CSMD1: variants seen among roughly 807,000 people sequenced by gnomAD.
CSMD1 encodes the protein CUB and Sushi multiple domains 1, also known as CUB and sushi domain-containing protein 1.
A neutral mutation model predicts 417.5 loss-of-function variants in CSMD1; 213 were observed. The ratio of observed to expected loss-of-function variants is 0.51; its 90% CI spans 0.46 to 0.57. The LOEUF (loss-of-function observed/expected upper bound fraction) is 0.57, where lower values mean the gene tolerates loss of function less well. Among genes scored for constraint, CSMD1 ranks in the 20% least tolerant of loss-of-function variants. The pLI is 0.00. For missense variants in CSMD1, 6,923 were observed against 4,529.7 expected (o/e 1.53, Z -15.17); for synonymous variants, 2,862 against 1,736.8 (o/e 1.65, Z -16.11).
chr8:4,842,236 G>C (rs989563307), intron 1 of CSMD1, among the ~76,000 whole-genome samples: 7 of 152,206 alleles, frequency 4.6e-5, no homozygotes, highest in Admixed American at 1.3e-4. Flanking sequence ...AGGGAACCAG[G>C]GAAGTCAAAG....
At chr8:4,873,772 G>C (rs533768612) in intron 1 of CSMD1, among the ~76,000 whole-genome samples, 2 of 152,190 alleles carry the variant, frequency 1.3e-5, no homozygotes, top group African/African-American at 2.4e-5. Context: ...TTTATAGAAA[G>C]TAGCACTGTG....
At chr8:3,965,239 G>C (rs1233047325) in intron 5 of CSMD1, among the ~76,000 whole-genome samples, 1 of 152,174 alleles carries the variant, frequency 6.6e-6, no homozygotes, top group Admixed American at 6.5e-5. Flanking sequence ...GACGGCAAAT[G>C]CTTTCCACTC....
chr8:3,056,945 G>C (rs1012336486), intron 49 of CSMD1, among the ~76,000 whole-genome samples: 7 of 151,940 alleles, frequency 4.6e-5, no homozygotes, highest in African/African-American at 1.7e-4. Flanking sequence ...TACAATATTA[G>C]TGCCTGCCAT....
In CSMD1 at chr8:2,938,500, G is replaced by GTCT; in HGVS notation, c.*84_*85insAGA. 2 of 1,314,408 alleles carry GTCT rather than the reference G, an allele frequency of 1.5e-6. No individual in the cohort carries two copies. Among genetic ancestry groups the GTCT allele is most frequent in the Non-Finnish European group, 2.1e-6 (2 of 955,910 alleles). 81.4% of individuals were successfully genotyped at this position (1,314,408 alleles called of 1,614,324 possible). ...TCGCTGCAGTAAAGCCAGAGTGGAA[G>GTCT]GGAGAGTGGTATATGGCACCAAAGG... On this transcript the variant is annotated 3_prime_UTR_variant, in exon 70 of 70. Coordinates refer to ENST00000635120, the MANE Select transcript of CSMD1 (RefSeq NM_033225.6).
intron 20 of CSMD1, among the ~76,000 whole-genome samples, chr8:3,366,066 T>C (rs1438937599): frequency 6.6e-6 from 1 of 152,182 alleles, no homozygotes. Context: ...GTAGAATAAA[T>C]TACATGTGAC....
At chr8:4,701,140 T>C (rs1165017359) in intron 1 of CSMD1, among the ~76,000 whole-genome samples, 2 of 152,002 alleles carry the variant, frequency 1.3e-5, no homozygotes, top group Admixed American at 1.3e-4. Context: ...ATTCGTTTTT[T>C]ACACAAAGCT....
intron 2 of CSMD1, among the ~76,000 whole-genome samples, chr8:4,516,503 C>T (rs555185550): frequency 6.6e-6 from 1 of 152,112 alleles, no homozygotes; most frequent in African/African-American, 2.4e-5. Flanking sequence ...TTCTATGATC[C>T]CCCTTCCTTG....
At chr8:4,081,704 A>G (rs569830474) in intron 3 of CSMD1, among the ~76,000 whole-genome samples, 2 of 152,228 alleles carry the variant, frequency 1.3e-5, no homozygotes, top group Non-Finnish European at 1.5e-5. Flanking sequence ...TTAAATTCTA[A>G]AAAGTATTTT....
chr8:3,083,611 TA>T (rs1814270841), intron 49 of CSMD1, among the ~76,000 whole-genome samples: 1 of 12,126 alleles, frequency 8.2e-5, no homozygotes, highest in Non-Finnish European at 1.4e-4. Flanking sequence ...CCATAATTTT[TA>T]TATATATATA....
At chr8:3,487,465 T>C (rs1818114839) in intron 11 of CSMD1, among the ~76,000 whole-genome samples, 1 of 152,084 alleles carries the variant, frequency 6.6e-6, no homozygotes, top group Admixed American at 6.6e-5. Flanking sequence ...CCTCCCCAAG[T>C]GTTGGGATTA....
intron 3 of CSMD1, among the ~76,000 whole-genome samples, chr8:4,036,973 G>GTGTA (rs1797653405): frequency 6.6e-6 from 1 of 151,304 alleles, no homozygotes; most frequent in South Asian, 2.1e-4. Flanking sequence ...GTGTGTGTGT[G>GTGTA]TGTGTGTGTG....
chr8:4,351,386 C>T (rs866297252), intron 3 of CSMD1, among the ~76,000 whole-genome samples: 3 of 152,192 alleles, frequency 2.0e-5, no homozygotes, highest in African/African-American at 7.2e-5. Flanking sequence ...CCTCTCTTCT[C>T]GTCTCATAGC....
In CSMD1 at chr8:4,596,101, G is replaced by A. The variant is rs189731334; in HGVS notation, c.302+41241C>T. Among the ~76,000 whole-genome samples, 232 of 152,236 alleles carry A rather than the reference G, an allele frequency of 1.5e-3. 1 individual carries two copies. The highest frequency in any genetic ancestry group is 1.9e-3 in the Non-Finnish European group (129 of 68,028). On this transcript the variant is annotated intron_variant, in intron 2 of 69. Transcript: ENST00000635120. Reference sequence around the variant, plus strand: ...AGGGCCAACTTCCCTGTGTGTTACTGCAATTGTAATAATGAATGTAGTTCC... The same window carrying A: ...AGGGCCAACTTCCCTGTGTGTTACTACAATTGTAATAATGAATGTAGTTCC...
rs140972773 is a variant in CSMD1, at chr8:4,560,985, C to T, written c.302+76357G>A. Among the ~76,000 whole-genome samples, 4 of 152,316 alleles carry T rather than the reference C, an allele frequency of 2.6e-5. No homozygotes were observed. In the East Asian group the frequency reaches 7.7e-4, roughly 29 times the overall value. On this transcript the variant is annotated intron_variant, in intron 2 of 69. Transcript: ENST00000635120. ...AAGTCTTCCACTGTTCTAAATATTT[C>T]CCAAGTCTTACACAGTGCTTTGTGT...
At chr8:4,404,468 CTA>C (rs1174436035) in intron 3 of CSMD1, among the ~76,000 whole-genome samples, 2 of 152,070 alleles carry the variant, frequency 1.3e-5, no homozygotes, top group Non-Finnish European at 2.9e-5. Context: ...CAAAGCCAAA[CTA>C]TGTTTGAGGC....
chr8:3,131,857 T>C (rs563063424), intron 41 of CSMD1, among the ~76,000 whole-genome samples: 7 of 152,326 alleles, frequency 4.6e-5, no homozygotes, highest in African/African-American at 1.7e-4. Flanking sequence ...GAAAAATACA[T>C]AATATTGTTA....
At chr8:4,126,594 G>C (rs1168049643) in intron 3 of CSMD1, among the ~76,000 whole-genome samples, 2 of 152,156 alleles carry the variant, frequency 1.3e-5, no homozygotes, top group African/African-American at 4.8e-5. Context: ...ACCTTCTGCT[G>C]TCTTTCATCA....
intron 5 of CSMD1, among the ~76,000 whole-genome samples, chr8:3,918,007 GC>G (rs1318380236): frequency 6.6e-6 from 1 of 152,106 alleles, no homozygotes; most frequent in Non-Finnish European, 1.5e-5. Context: ...ATTCACGCAT[GC>G]TGTTGCAAAT....
intron 2 of CSMD1, among the ~76,000 whole-genome samples, chr8:4,427,069 G>A (rs922272477): frequency 2.0e-5 from 3 of 152,022 alleles, no homozygotes; most frequent in African/African-American, 7.2e-5. Context: ...GAGCTTGGGA[G>A]ATCAAAGAGC....
Sources: gnomAD v4.1 joint callset for allele counts (sites outside exome capture counted in the v4.1 genomes callset) on GRCh38, gnomAD v4.1.1 for gene constraint, MANE v1.5 for transcripts, NCBI Gene and HGNC (gene_info 2026-07-23, HGNC 2026-07-21) for gene names.